Variants in PTPRU observed in about 807,000 individuals in gnomAD.
The protein encoded by PTPRU is receptor-type tyrosine-protein phosphatase U.
A neutral mutation model predicts 166.3 loss-of-function variants in PTPRU; 69 were observed. That is an observed-to-expected ratio of 0.41 (90% CI 0.34 to 0.51). PTPRU has a LOEUF of 0.51. Ranked by LOEUF, PTPRU falls within the 20% of genes least tolerant of loss-of-function variation. The pLI is 0.09. For synonymous variants in PTPRU, 793 were observed against 814.0 expected, an observed-to-expected ratio of 0.97 and a Z score of 0.44; for missense variants, 1,657 against 2,013.7, an observed-to-expected ratio of 0.82 and a Z score of 3.39.
chr1:29,283,692 T>G, intron 12 of PTPRU: 1 of 520,320 alleles, frequency 1.9e-6, no homozygotes, highest in South Asian at 2.8e-5. Flanking sequence ...CCCGCCCATT[T>G]CCCCAAGACG....
chr1:29,281,896 C>A lies in PTPRU; in HGVS notation c.1869-780C>A, dbSNP rs531395766. ...GGAAATATTTAAATTTGTCAGGATT[C>A]ACTTATTTACTCTCCACTTTGTTCT... On this transcript the variant is annotated intron_variant, in intron 11 of 29. Coordinates refer to ENST00000373779, the MANE Select transcript of PTPRU (RefSeq NM_133178.4). Among the ~76,000 whole-genome samples, 5 of 152,346 alleles carry A rather than the reference C, an allele frequency of 3.3e-5. No individual in the cohort carries two copies. In the South Asian group the frequency reaches 1.0e-3, roughly 32 times the overall value.
At chr1:29,242,903 T>C (rs1041657286) in intron 1 of PTPRU, among the ~76,000 whole-genome samples, 1 of 143,686 alleles carries the variant, frequency 7.0e-6, no homozygotes, top group African/African-American at 2.5e-5. Flanking sequence ...TCTCGGTTTC[T>C]TTTTTTTTTT....
At position 29,258,506 on chromosome 1, in the gene PTPRU, C is replaced by T. The variant is rs1292565882; in HGVS notation, c.207C>T (p.Gly69=). 3.1e-6 allele frequency: 5 copies of T among 1,612,976 alleles called. No individual in the cohort carries two copies. The highest frequency in any genetic ancestry group is 2.5e-6 in the Non-Finnish European group (3 of 1,179,382). ...GTRAPADLPH[G]SYLMVNTSQH... The stretch of plus-strand genomic sequence containing the variant: ...TGCCTCTTCCTCCTCTCTTTCCAGG[C>T]TCCTACTTGATGGTCAACACTTCCC... Residue 69 remains glycine, a splice_region_variant and synonymous_variant, in exon 3 of 30, where the codon GGC becomes GGT. Coordinates refer to ENST00000373779, the MANE Select transcript of PTPRU (RefSeq NM_133178.4).
intron 12 of PTPRU, 118 bp downstream of exon 12, chr1:29,283,067 C>A: frequency 7.2e-7 from 1 of 1,397,238 alleles, no homozygotes; most frequent in Non-Finnish European, 9.7e-7. Flanking sequence ...ATAGCCCCAC[C>A]TCCCATAGCC....
In PTPRU at chr1:29,280,261, G is replaced by T. The variant is rs1045198730; in HGVS notation, c.1868+120G>T. 9.2e-6 allele frequency: 9 copies of T among 982,004 alleles called. No individual in the cohort carries two copies. Among genetic ancestry groups the T allele is most frequent in the Admixed American group, 2.5e-5 (1 of 40,476 alleles). 60.8% of individuals were successfully genotyped at this position (982,004 alleles called of 1,614,324 possible). A position where few individuals can be genotyped will look rare whatever the true frequency, so the allele number is the denominator to read the frequency against. ...TTCCTCCCTCAGTCTCCCACGCAGGGCTTGGAGTGTCTGGAGGAGATTGTT... is the reference window on the plus strand; with the variant it reads ...TTCCTCCCTCAGTCTCCCACGCAGGTCTTGGAGTGTCTGGAGGAGATTGTT... On this transcript the variant is annotated intron_variant, in intron 11 of 29. Transcript: ENST00000373779. The surrounding 1 kb of genome is among the most constrained non-coding windows in gnomAD (Gnocchi z 4.2).
chr1:29,268,346 A>G (rs1685393208), intron 7 of PTPRU, among the ~76,000 whole-genome samples: 1 of 152,290 alleles, frequency 6.6e-6, no homozygotes, highest in Non-Finnish European at 1.5e-5. Flanking sequence ...TTTGTCTCCT[A>G]GGAGACATTT....
rs745686767 is a variant in PTPRU, at chr1:29,312,599, G to A, written c.3120G>A (p.Ala1040=). ...AGGTCCGCCAGTTCCACTTCACAGC[G>A]TGGCCAGAGCATGGCGTCCCCTACC... ...RHEVRQFHFT[A]WPEHGVPYHA... Residue 1040 remains alanine, a synonymous_variant, in exon 22 of 30, where the codon GCG becomes GCA. Coordinates refer to ENST00000373779, the MANE Select transcript of PTPRU (RefSeq NM_133178.4). The A allele has an allele frequency of 4.2e-5, 68 of 1,607,416 alleles. No homozygotes were observed. The highest frequency in any genetic ancestry group is 5.5e-5 in the South Asian group (5 of 90,824).
At chr1:29,259,737 C>T in intron 5 of PTPRU, 133 bp from the exon 6 acceptor site, 2 of 1,290,694 alleles carry the variant, frequency 1.5e-6, no homozygotes, top group Non-Finnish European at 2.1e-6. Context: ...CCCATTCCCC[C>T]AGGTTAGAGC....
intron 7 of PTPRU, among the ~76,000 whole-genome samples, chr1:29,267,885 G>A (rs1685373830): frequency 2.0e-5 from 3 of 152,236 alleles, no homozygotes; most frequent in Non-Finnish European, 4.4e-5. Context: ...AGGTGGTGAT[G>A]GCTGGGAGCC....
intron 1 of PTPRU, among the ~76,000 whole-genome samples, chr1:29,251,057 G>A (rs185020939): frequency 6.0e-4 from 91 of 152,322 alleles, no homozygotes; most frequent in African/African-American, 2.1e-3. Flanking sequence ...TTTGAGACCA[G>A]CCTGGCCAGC....
chr1:29,307,051 C>T, intron 18 of PTPRU: 2 of 1,521,034 alleles, frequency 1.3e-6, no homozygotes, highest in Non-Finnish European at 1.8e-6. Context: ...CACTCCTGTG[C>T]TCCGTCCACC....
chr1:29,248,363 C>G (rs892581703), intron 1 of PTPRU, among the ~76,000 whole-genome samples: 1 of 152,038 alleles, frequency 6.6e-6, no homozygotes, highest in South Asian at 2.1e-4. Context: ...TGGTTCCAGG[C>G]TTGGGCTGGG....
At chr1:29,269,219 CATATAT>C (rs1239721913) in intron 7 of PTPRU, among the ~76,000 whole-genome samples, 1,078 of 42,348 alleles carry the variant, frequency 0.025, 35 homozygotes, top group South Asian at 0.1. Flanking sequence ...AATTTATATA[CATATAT>C]ATATATATAT....
At chr1:29,312,747 TCC>T in intron 22 of PTPRU, 41 bp downstream of exon 22, 1 of 1,571,632 alleles carries the variant, frequency 6.4e-7, no homozygotes, top group Non-Finnish European at 8.7e-7. Flanking sequence ...GGGGCCCTTC[TCC>T]CTGGGAATTT....
intron 14 of PTPRU, among the ~76,000 whole-genome samples, chr1:29,288,920 T>C (rs893097557): frequency 1.3e-5 from 2 of 152,156 alleles, no homozygotes; most frequent in African/African-American, 4.8e-5. Flanking sequence ...GTAGGGCTCT[T>C]GATGGAAGCT....
intron 14 of PTPRU, 28 bp downstream of exon 14, chr1:29,284,897 C>T: frequency 3.1e-6 from 5 of 1,588,182 alleles, no homozygotes; most frequent in Non-Finnish European, 4.3e-6. Flanking sequence ...CCTGTCCCAC[C>T]AGTGGCTTCT....
At chr1:29,303,816 A>G (rs750538610) in intron 15 of PTPRU, 39 bp from the exon 16 acceptor site, 4 of 1,547,698 alleles carry the variant, frequency 2.6e-6, no homozygotes, top group Non-Finnish European at 3.5e-6. Flanking sequence ...AGGCTGGGGC[A>G]TGTGTGTCAA....
At chr1:29,248,660 T>C (rs1434191364) in intron 1 of PTPRU, among the ~76,000 whole-genome samples, 1 of 152,090 alleles carries the variant, frequency 6.6e-6, no homozygotes, top group African/African-American at 2.4e-5. Flanking sequence ...GCATTGGGCA[T>C]GGAGTGCTGT....
intron 15 of PTPRU, among the ~76,000 whole-genome samples, chr1:29,297,581 C>T (rs1457278969): frequency 6.6e-6 from 1 of 152,074 alleles, no homozygotes; most frequent in Non-Finnish European, 1.5e-5. Context: ...AGAGGAGGCA[C>T]TGTATGTGCA....
Sources: gnomAD v4.1 joint callset for allele counts (sites outside exome capture counted in the v4.1 genomes callset) on GRCh38, gnomAD v4.1.1 for gene constraint, Gnocchi (gnomAD v3.1) non-coding constraint, MANE v1.5 for transcripts, NCBI Gene and HGNC (gene_info 2026-07-23, HGNC 2026-07-21) for gene names.